The following CYRIA variants were observed in gnomAD, a reference collection of about 807,000 sequenced individuals.
CYRIA encodes CYFIP-related Rac1 interactor A.
CYRIA carries 15 observed loss-of-function variants against 43.9 expected under a neutral mutation model. The observed-to-expected ratio is 0.34, with a 90% CI of 0.23 to 0.53. The LOEUF is 0.53. Ranked by LOEUF, CYRIA falls within the 20% of genes least tolerant of loss-of-function variation. The pLI is 0.94. For synonymous variants in CYRIA, 117 were observed against 136.0 expected, an observed-to-expected ratio of 0.86 and a Z score of 0.97; for missense variants, 236 against 394.2, an observed-to-expected ratio of 0.60 and a Z score of 3.40.
chr2:16,590,030 T>C (rs1667866266), intron 2 of CYRIA, among the ~76,000 whole-genome samples: 1 of 151,790 alleles, frequency 6.6e-6, no homozygotes, highest in Admixed American at 6.6e-5. Context: ...CCTAGACATC[T>C]CTCACCTTGA....
intron 3 of CYRIA, among the ~76,000 whole-genome samples, chr2:16,575,068 AG>A (rs1043757281): frequency 1.2e-4 from 18 of 152,302 alleles, no homozygotes; most frequent in Middle Eastern, 3.4e-3. Flanking sequence ...GAGATGCCCA[AG>A]GCCTTGGGAG....
At chr2:16,562,527 C>T (rs188794996) in intron 5 of CYRIA, among the ~76,000 whole-genome samples, 4 of 152,194 alleles carry the variant, frequency 2.6e-5, no homozygotes, top group African/African-American at 9.6e-5. Flanking sequence ...GTTAGATGAC[C>T]GGCTTTGCAG....
chr2:16,652,479 G>A (rs1250567764), intron 1 of CYRIA, among the ~76,000 whole-genome samples: 1 of 152,132 alleles, frequency 6.6e-6, no homozygotes, highest in Non-Finnish European at 1.5e-5. Flanking sequence ...ATTTTTCCCT[G>A]CATTTGAAGA....
chr2:16,632,183 G>A (rs1311852432), intron 1 of CYRIA, among the ~76,000 whole-genome samples: 1 of 152,222 alleles, frequency 6.6e-6, no homozygotes, highest in Non-Finnish European at 1.5e-5. Flanking sequence ...CTTGCCCCAT[G>A]CACAGTGGCT....
At chr2:16,658,109 C>T (rs1175164961) in intron 1 of CYRIA, among the ~76,000 whole-genome samples, 1 of 152,102 alleles carries the variant, frequency 6.6e-6, no homozygotes, top group Admixed American at 6.5e-5. Flanking sequence ...TCATATAGTG[C>T]ATGTACAGTG....
intron 3 of CYRIA, among the ~76,000 whole-genome samples, chr2:16,573,888 C>A (rs1208301566): frequency 1.3e-5 from 2 of 152,128 alleles, no homozygotes; most frequent in Admixed American, 6.5e-5. Flanking sequence ...TGAAAATGAA[C>A]TAATACGGTA....
chr2:16,591,949 T>A (rs1667947433), intron 2 of CYRIA, among the ~76,000 whole-genome samples: 1 of 152,068 alleles, frequency 6.6e-6, no homozygotes, highest in Non-Finnish European at 1.5e-5. Context: ...CATTTCTAAG[T>A]TGAAGTCCTA....
At chr2:16,586,167 C>A (rs1667722728) in intron 3 of CYRIA, among the ~76,000 whole-genome samples, 1 of 152,064 alleles carries the variant, frequency 6.6e-6, no homozygotes, top group Non-Finnish European at 1.5e-5. Context: ...CTCCTACTCC[C>A]AGGCCTTTAT....
chr2:16,613,421 T>C (rs532041444), intron 2 of CYRIA, among the ~76,000 whole-genome samples: 3 of 152,240 alleles, frequency 2.0e-5, no homozygotes, highest in East Asian at 1.9e-4. Context: ...CTAAATCAAA[T>C]TCTCATGATC....
chr2:16,590,152 C>T (rs1463091794), intron 2 of CYRIA, among the ~76,000 whole-genome samples: 2 of 152,054 alleles, frequency 1.3e-5, no homozygotes, highest in African/African-American at 4.8e-5. Flanking sequence ...TCTTTTCTGT[C>T]ATTCTTCCAT....
chr2:16,582,196 C>A (rs1667574922), intron 3 of CYRIA, among the ~76,000 whole-genome samples: 1 of 151,626 alleles, frequency 6.6e-6, no homozygotes, highest in African/African-American at 2.4e-5. Context: ...AAATTATGTC[C>A]CAATGAAAAT....
chr2:16,589,455 A>G (rs10176532), intron 2 of CYRIA, among the ~76,000 whole-genome samples: 31,357 of 151,794 alleles, frequency 0.21, 3,586 homozygotes, highest in African/African-American at 0.3. Flanking sequence ...AATCACTAAC[A>G]TGAAATCAGA....
intron 3 of CYRIA, among the ~76,000 whole-genome samples, chr2:16,571,108 A>T (rs10167829): frequency 0.53 from 81,010 of 152,048 alleles, 24,047 homozygotes; most frequent in African/African-American, 0.81. Context: ...AAATGTATCA[A>T]GTGCCCTGCG....
chr2:16,607,535 T>C (rs2103485432), intron 2 of CYRIA, among the ~76,000 whole-genome samples: 1 of 152,348 alleles, frequency 6.6e-6, no homozygotes, highest in South Asian at 2.1e-4. Context: ...CTGATCACTC[T>C]GTACATAAGC....
At chr2:16,578,806 G>A (rs572226734) in intron 3 of CYRIA, among the ~76,000 whole-genome samples, 204 of 151,920 alleles carry the variant, frequency 1.3e-3, no homozygotes, top group African/African-American at 3.9e-3. Flanking sequence ...TTATATAATT[G>A]GTGTCCCAGA....
chr2:16,584,707 C>T (rs1667665734), intron 3 of CYRIA, among the ~76,000 whole-genome samples: 1 of 152,184 alleles, frequency 6.6e-6, no homozygotes, highest in Non-Finnish European at 1.5e-5. Flanking sequence ...TAAATCGGAC[C>T]TCTTGCTGTT....
intron 1 of CYRIA, among the ~76,000 whole-genome samples, chr2:16,654,379 T>G (rs985620326): frequency 6.6e-6 from 1 of 152,150 alleles, no homozygotes; most frequent in African/African-American, 2.4e-5. Context: ...AAATTTACAT[T>G]AAGGTAGGGC....
At chr2:16,584,628 A>G (rs939676246) in intron 3 of CYRIA, among the ~76,000 whole-genome samples, 1 of 152,160 alleles carries the variant, frequency 6.6e-6, no homozygotes. Flanking sequence ...CTTACTTTGC[A>G]TGGTCTAACC....
chr2:16,581,727 T>C (rs1175172579), intron 3 of CYRIA, among the ~76,000 whole-genome samples: 2 of 152,150 alleles, frequency 1.3e-5, no homozygotes, highest in Non-Finnish European at 2.9e-5. Context: ...CCAAGGAATA[T>C]AATGCCCACA....
Sources: gnomAD v4.1 joint callset for allele counts (sites outside exome capture counted in the v4.1 genomes callset) on GRCh38, gnomAD v4.1.1 for gene constraint, MANE v1.5 for transcripts, NCBI Gene and HGNC (gene_info 2026-07-23, HGNC 2026-07-21) for gene names.